The following TRERF1 variants were observed in gnomAD, a reference collection of about 807,000 sequenced individuals.
The protein encoded by TRERF1 is transcriptional-regulating factor 1.
Under a neutral mutation model 122.9 loss-of-function variants are expected in TRERF1, and 27 were observed. That is an observed-to-expected ratio of 0.22 (90% CI 0.16 to 0.30). The LOEUF (loss-of-function observed/expected upper bound fraction) is 0.30. TRERF1 is among the 10% of genes least tolerant of loss of function. TRERF1 has a pLI of 1.00. For synonymous variants in TRERF1, 636 were observed against 641.7 expected (o/e 0.99, Z 0.13); for missense variants, 1,248 against 1,560.3 (o/e 0.80, Z 3.37).
At chr6:42,284,388 G>A (rs58583738) in intron 4 of TRERF1, among the ~76,000 whole-genome samples, 2,065 of 152,196 alleles carry the variant, frequency 0.014, 48 homozygotes, top group African/African-American at 0.046. Flanking sequence ...TAGTTGTCTT[G>A]CTCACACCTA....
In TRERF1 at chr6:42,436,467, T is replaced by C. The variant is rs553303275; in HGVS notation, c.-454+14710A>G. ...CATTCAAAAGAACCCTAATATGATT[T>C]TGAAAGCATAATATCATAGCTAATA... On this transcript the variant is annotated intron_variant, in intron 2 of 17. Transcript: ENST00000372922. Among the ~76,000 whole-genome samples the C allele has an allele frequency of 5.9e-5, 9 of 152,258 alleles. No individual in the cohort carries two copies. In the East Asian group the frequency reaches 1.7e-3, roughly 29 times the overall value.
At chr6:42,273,642 C>G (rs1010352551) in intron 4 of TRERF1, among the ~76,000 whole-genome samples, 1 of 152,150 alleles carries the variant, frequency 6.6e-6, no homozygotes, top group African/African-American at 2.4e-5. Context: ...ATGTCCTTGT[C>G]CAGAACTCAC....
exon 16 of TRERF1, chr6:42,236,264 G>A (rs1017397396): frequency 1.2e-6 from 2 of 1,613,030 alleles, no homozygotes; most frequent in Non-Finnish European, 1.7e-6. Context: ...AGGGCCTGCA[G>A]GGGCGGCCCC....
intron 3 of TRERF1, among the ~76,000 whole-genome samples, chr6:42,314,710 C>T (rs1373385971): frequency 6.6e-6 from 1 of 151,956 alleles, no homozygotes; most frequent in Non-Finnish European, 1.5e-5. Flanking sequence ...TGAGCAAATG[C>T]CTGAAGGAAT....
intron 17 of TRERF1, among the ~76,000 whole-genome samples, chr6:42,230,582 A>T (rs1770345790): frequency 6.6e-6 from 1 of 152,152 alleles, no homozygotes; most frequent in Admixed American, 6.5e-5. Flanking sequence ...GAGATCACTG[A>T]GAGTCAGCTG....
intron 2 of TRERF1, among the ~76,000 whole-genome samples, chr6:42,371,699 C>A (rs979132457): frequency 5.9e-5 from 9 of 152,170 alleles, no homozygotes; most frequent in African/African-American, 2.2e-4. Context: ...TTCTGGGGAA[C>A]CCTACAGAGC....
intron 4 of TRERF1, among the ~76,000 whole-genome samples, chr6:42,292,050 G>A (rs994504650): frequency 1.3e-5 from 2 of 152,122 alleles, no homozygotes; most frequent in Non-Finnish European, 2.9e-5. Flanking sequence ...TTTGACATCT[G>A]TAAAACAGTA....
At chr6:42,281,671 G>C (rs539122956) in intron 4 of TRERF1, among the ~76,000 whole-genome samples, 1 of 152,300 alleles carries the variant, frequency 6.6e-6, no homozygotes, top group Admixed American at 6.5e-5. Flanking sequence ...AGAGTGCCCA[G>C]ACTCTGCCAG....
chr6:42,359,964 G>A (rs182551147), intron 3 of TRERF1, among the ~76,000 whole-genome samples: 318 of 151,358 alleles, frequency 2.1e-3, no homozygotes, highest in African/African-American at 6.4e-3. Context: ...AAAAAACTTC[G>A]GTAAAAAAAG....
At chr6:42,260,825 G>T (rs575774173) in intron 8 of TRERF1, among the ~76,000 whole-genome samples, 64 of 152,244 alleles carry the variant, frequency 4.2e-4, no homozygotes, top group African/African-American at 1.5e-3. Flanking sequence ...CTGCCCCATG[G>T]GCTCCTCTGC....
rs993717261 is a variant in TRERF1 at position 42,259,830 on chromosome 6, T to C, written c.1885-107A>G. 1 of 1,486,604 alleles carries C rather than the reference T, an allele frequency of 6.7e-7. No individual in the cohort carries two copies. Among genetic ancestry groups the C allele is most frequent in the Non-Finnish European group, 9.0e-7 (1 of 1,110,812 alleles). The allele number at this position is 1,486,604 out of a possible 1,614,324, so 92.1% of individuals were successfully genotyped here. The stretch of plus-strand genomic sequence containing the variant: ...CTACTGTCTAAGCAGAGAGCCCTTC[T>C]GCTTGACCCCCCCACCCCCAACGCC... On this transcript the variant is annotated intron_variant, in intron 8 of 17. Transcript: ENST00000372922. This position sits in a 1 kb window ranked among gnomAD's most constrained non-coding sequence, Gnocchi z 4.9.
At chr6:42,424,282 G>A (rs1264833925) in intron 2 of TRERF1, among the ~76,000 whole-genome samples, 1 of 152,134 alleles carries the variant, frequency 6.6e-6, no homozygotes, top group Non-Finnish European at 1.5e-5. Flanking sequence ...TGCTGTATGT[G>A]AATGTACAAC....
intron 4 of TRERF1, among the ~76,000 whole-genome samples, chr6:42,282,546 CCAAA>C (rs574008089): frequency 9.2e-5 from 14 of 151,582 alleles, no homozygotes; most frequent in African/African-American, 1.5e-4. Context: ...AGACCCTGTC[CCAAA>C]CAAACAAACA....
rs1779644850 is a variant in TRERF1, at chr6:42,268,556, G to A, written c.1035C>T (p.His345=). Residue 345 remains histidine (H), a synonymous_variant, in exon 5 of 18, where the codon CAC becomes CAT. Coordinates refer to ENST00000372922, the Ensembl canonical transcript of TRERF1. This position sits in a 1 kb window ranked among gnomAD's most constrained non-coding sequence, Gnocchi z 4.4. ...CCCTGTGATAAGAAGGAGGCTGCAG[G>A]TGCATCTGTTGCTGCTGCTGCTCTT... 1 of 1,614,036 alleles carries A rather than the reference G, an allele frequency of 6.2e-7. No individual in the cohort carries two copies. The highest frequency in any genetic ancestry group is 1.7e-5 in the Admixed American group (1 of 60,000).
intron 2 of TRERF1, among the ~76,000 whole-genome samples, chr6:42,381,390 C>T (rs1775895914): frequency 6.6e-6 from 1 of 151,628 alleles, no homozygotes; most frequent in Non-Finnish European, 1.5e-5. Flanking sequence ...CCCACCCAGG[C>T]ATAATAGCCT....
chr6:42,323,168 G>C (rs907539240), intron 3 of TRERF1, among the ~76,000 whole-genome samples: 7 of 149,958 alleles, frequency 4.7e-5, no homozygotes, highest in Non-Finnish European at 1.0e-4. Context: ...AGGAAGAGTT[G>C]ATAAAGGAGG....
intron 2 of TRERF1, among the ~76,000 whole-genome samples, chr6:42,426,644 A>G (rs1199397582): frequency 6.6e-6 from 1 of 152,224 alleles, no homozygotes; most frequent in African/African-American, 2.4e-5. Context: ...ATCAGCAAAT[A>G]TGACCTGCTG....
rs1238228937 is a variant in TRERF1, at chr6:42,259,716, G to A, written c.1892C>T (p.Pro631Leu). ...GGGCACACTCGGCTGATGCTTCCTG[G>A]GGATTTCCTAAAACCGGAACAACGA... The change falls in exon 9 of 18, where the codon CCC (proline) becomes CTC (leucine). Residue 631 changes from proline to leucine, a missense_variant. This residue lies in a region of TRERF1 where 946 missense variants were observed against 1,073.0 expected (regional missense o/e 0.88). Transcript: ENST00000372922. This position sits in a 1 kb window ranked among gnomAD's most constrained non-coding sequence, Gnocchi z 4.9. 2 of 1,602,208 alleles carry A rather than the reference G, an allele frequency of 1.2e-6. No individual in the cohort carries two copies. The highest frequency in any genetic ancestry group is 1.7e-6 in the Non-Finnish European group (2 of 1,179,922).
chr6:42,447,605 G>A (rs1008925487), intron 2 of TRERF1, among the ~76,000 whole-genome samples: 16 of 152,188 alleles, frequency 1.1e-4, no homozygotes, highest in African/African-American at 3.9e-4. Flanking sequence ...GAAATAAAAT[G>A]AGCTGAATTC....
Sources: gnomAD v4.1 joint callset for allele counts (sites outside exome capture counted in the v4.1 genomes callset) on GRCh38, gnomAD v4.1.1 for gene constraint, gnomAD v4.1.1 regional missense constraint, Gnocchi (gnomAD v3.1) non-coding constraint, MANE v1.5 for transcripts, NCBI Gene and HGNC (gene_info 2026-07-23, HGNC 2026-07-21) for gene names.